The following HSPG2 variants were observed in gnomAD, a reference collection of about 807,000 sequenced individuals.
The protein encoded by HSPG2 is basement membrane-specific heparan sulfate proteoglycan core protein.
HSPG2 carries 278 observed loss-of-function variants against 526.6 expected under a neutral mutation model. The observed-to-expected ratio is 0.53, with a 90% CI of 0.48 to 0.58. The LOEUF (loss-of-function observed/expected upper bound fraction) is 0.58, where lower values mean the gene tolerates loss of function less well. HSPG2 is among the 20% of genes least tolerant of loss of function. The pLI is 0.00. For missense variants in HSPG2, 5,354 were observed against 6,099.5 expected, an observed-to-expected ratio of 0.88 and a Z score of 4.07; for synonymous variants, 2,465 against 2,555.4, an observed-to-expected ratio of 0.96 and a Z score of 1.07.
intron 37 of HSPG2, among the ~76,000 whole-genome samples, chr1:21,863,556 C>T (rs920629921): frequency 1.3e-5 from 2 of 151,820 alleles, no homozygotes; most frequent in Non-Finnish European, 2.9e-5. Flanking sequence ...GGGCTATATA[C>T]ATGCTACTCT....
rs756074412 is a variant in HSPG2 at position 21,831,070 on chromosome 1, G to A, written c.11583C>T (p.Asp3861=). 3 of 1,598,946 alleles carry A rather than the reference G, an allele frequency of 1.9e-6. No individual in the cohort carries two copies. Among genetic ancestry groups the A allele is most frequent in the Non-Finnish European group, 2.6e-6 (3 of 1,173,040 alleles). ...CGCACACGTAGCTGCTGCTCTCAGA[G>A]TCATGGCACTGACCGCCATTCTGCA... ...RPCQNGGQCH[D]SESSSYVCVC... is the part of the protein sequence containing the mutation. Residue 3861 remains aspartate (D), a synonymous_variant, in exon 85 of 97, where the codon GAC becomes GAT. Coordinates refer to ENST00000374695, the MANE Select transcript of HSPG2 (RefSeq NM_005529.7).
At position 21,876,516 on chromosome 1, in the gene HSPG2, G is replaced by A. The variant is rs1042462225; in HGVS notation, c.2822C>T (p.Ala941Val). 11 of 1,614,062 alleles carry A rather than the reference G, an allele frequency of 6.8e-6. No homozygotes were observed. Among genetic ancestry groups the A allele is most frequent in the Non-Finnish European group, 9.3e-6 (11 of 1,180,036 alleles). Residue 941 changes from alanine (A) to valine (V), a missense_variant, in exon 22 of 97, where the codon GCC (alanine) becomes GTC (valine). Physicochemically the swap from Ala to Val is moderately conservative, Grantham distance 64. Coordinates refer to ENST00000374695, the MANE Select transcript of HSPG2 (RefSeq NM_005529.7). ...RHCTSSSWSR[A>V]QLHGASEEPG... ...CCGCCCACCTTGCAGAGGTACCTGGGCACGGCTCCATGAAGAGCTGGTGCA... is the reference window on the plus strand; with the variant it reads ...CCGCCCACCTTGCAGAGGTACCTGGACACGGCTCCATGAAGAGCTGGTGCA...
At chr1:21,886,675 G>GA (rs1202134196) in intron 9 of HSPG2, among the ~76,000 whole-genome samples, 1 of 152,184 alleles carries the variant, frequency 6.6e-6, no homozygotes, top group African/African-American at 2.4e-5. Flanking sequence ...TGGGAGGCTG[G>GA]AAGGATGGAT....
intron 33 of HSPG2, among the ~76,000 whole-genome samples, chr1:21,866,020 T>C (rs1640202471): frequency 6.6e-6 from 1 of 151,452 alleles, no homozygotes; most frequent in Non-Finnish European, 1.5e-5. Context: ...ATGGTGGTGA[T>C]GATGCTGAGC....
chr1:21,856,960 G>A, intron 44 of HSPG2, 55 bp downstream of exon 44: 1 of 1,537,674 alleles, frequency 6.5e-7, no homozygotes. Flanking sequence ...TGCTAATTCT[G>A]GTGGGAATGG....
chr1:21,885,209 G>A (rs376058863), intron 10 of HSPG2, 52 bp from the exon 11 acceptor site: 121 of 1,598,676 alleles, frequency 7.6e-5, no homozygotes, highest in Non-Finnish European at 8.6e-5. Context: ...AAGGAGGAGC[G>A]GAAGGAGGGC....
rs2097964250 is a variant in HSPG2, at chr1:21,824,666, C to A, written c.12665+38G>T. The A allele has an allele frequency of 6.2e-7, 1 of 1,613,008 alleles. No individual in the cohort carries two copies. The highest frequency in any genetic ancestry group is 1.1e-5 in the South Asian group (1 of 90,944). The stretch of plus-strand genomic sequence containing the variant: ...ACAGAAGTCCCAGATTCCCATCCTC[C>A]CCATTAGGCCCATGGGCCCTTCCAA... On this transcript the variant is annotated intron_variant, in intron 92 of 96. Transcript: ENST00000374695. This position sits in a 1 kb window ranked among gnomAD's most constrained non-coding sequence, Gnocchi z 5.9.
chr1:21,937,171 T>TGCA lies in HSPG2; in HGVS notation c.44_46dup (p.Leu15dup). On this transcript the variant is annotated inframe_insertion, in exon 1 of 97. Coordinates refer to ENST00000374695, the MANE Select transcript of HSPG2 (RefSeq NM_005529.7). ...CACACTCACCGCCAGCAGCCGCCCG[T>TGCA]GCAGCAGCAGCGCCAGCAGCAGCGC... The TGCA allele has an allele frequency of 2.9e-6, 3 of 1,047,294 alleles. No individual in the cohort carries two copies. Among genetic ancestry groups the TGCA allele is most frequent in the Non-Finnish European group, 3.5e-6 (3 of 862,838 alleles). The allele number at this position is 1,047,294 out of a possible 1,614,324, so 64.9% of individuals were successfully genotyped here. A position where few individuals can be genotyped will look rare whatever the true frequency, so the allele number is the denominator to read the frequency against.
At chr1:21,849,148 C>A in intron 57 of HSPG2, 117 bp from the exon 58 acceptor site, 2 of 1,271,054 alleles carry the variant, frequency 1.6e-6, no homozygotes, top group Non-Finnish European at 2.2e-6. Context: ...TCGATGGAAA[C>A]TCTTCCAGGG....
Position 21,828,444 on chromosome 1 carries a change from C to A in HSPG2, c.12238-18G>T, listed in dbSNP as rs369294765. 9 of 1,612,022 alleles carry A rather than the reference C, an allele frequency of 5.6e-6. No homozygotes were observed. The highest frequency in any genetic ancestry group is 8.5e-7 in the Non-Finnish European group (1 of 1,179,876). ...ACTGACACCTGTGGGGACAGGGACA[C>A]CGAGGGACTAAAGGGGCCTGGGAGG... On this transcript the variant is annotated intron_variant, in intron 88 of 96. Transcript: ENST00000374695. This position sits in a 1 kb window ranked among gnomAD's most constrained non-coding sequence, Gnocchi z 6.0.
At chr1:21,827,415 C>T (rs1050525090) in intron 91 of HSPG2, among the ~76,000 whole-genome samples, 9 of 152,092 alleles carry the variant, frequency 5.9e-5, no homozygotes, top group Non-Finnish European at 2.9e-5. Context: ...ACCACTGCCT[C>T]GCCTATTATA....
intron 28 of HSPG2, 70 bp downstream of exon 28, chr1:21,874,336 A>T: frequency 6.3e-7 from 1 of 1,594,638 alleles, no homozygotes; most frequent in Non-Finnish European, 8.6e-7. Flanking sequence ...AGGGCCCTGG[A>T]TGAAGCGGGT....
intron 28 of HSPG2, 45 bp downstream of exon 28, chr1:21,874,361 T>C (rs373230550): frequency 6.2e-7 from 1 of 1,608,518 alleles, no homozygotes; most frequent in African/African-American, 1.3e-5. Flanking sequence ...GAGCGGGTGG[T>C]AGACATTTCA....
chr1:21,878,891 G>A (rs1641297122), intron 18 of HSPG2, 103 bp downstream of exon 18: 9 of 1,417,888 alleles, frequency 6.3e-6, no homozygotes, highest in Non-Finnish European at 8.7e-6. Flanking sequence ...TAGTGATCAG[G>A]TAGAGATCTG....
intron 74 of HSPG2, among the ~76,000 whole-genome samples, chr1:21,837,832 CA>C: frequency 6.6e-6 from 1 of 152,232 alleles, no homozygotes; most frequent in East Asian, 1.9e-4. Context: ...CTCCACTTTA[CA>C]GATAAAGAAA....
chr1:21,863,206 T>C (rs1423763321), intron 37 of HSPG2, among the ~76,000 whole-genome samples: 17 of 148,606 alleles, frequency 1.1e-4, no homozygotes, highest in Admixed American at 3.4e-4. Flanking sequence ...ACCCCGCCTC[T>C]ACTAAAAACA....
At chr1:21,843,884 C>T (rs1349913911) in intron 65 of HSPG2, among the ~76,000 whole-genome samples, 1 of 152,218 alleles carries the variant, frequency 6.6e-6, no homozygotes, top group Non-Finnish European at 1.5e-5. Context: ...GATCCACCTG[C>T]CTCGGCCTCC....
chr1:21,855,490 CT>C, intron 46 of HSPG2, 32 bp downstream of exon 46: 1 of 1,612,006 alleles, frequency 6.2e-7, no homozygotes, highest in South Asian at 1.1e-5. Flanking sequence ...GCTGAGCACA[CT>C]CCCGGCCCCC....
At position 21,875,842 on chromosome 1, in the gene HSPG2, C is replaced by T. The variant is rs557665697; in HGVS notation, c.3183+21G>A. ...CAAGGGCCTGCCCGCACCCCTACCC[C>T]CAGGGGACAGTATTGCTCACCTCCC... On this transcript the variant is annotated intron_variant, in intron 24 of 96. Coordinates refer to ENST00000374695, the MANE Select transcript of HSPG2 (RefSeq NM_005529.7). 160 of 1,613,416 alleles carry T rather than the reference C, an allele frequency of 9.9e-5. No homozygotes were observed. The East Asian group carries it at 2.2e-3, about 22-fold the overall frequency.
Sources: gnomAD v4.1 joint callset for allele counts (sites outside exome capture counted in the v4.1 genomes callset) on GRCh38, gnomAD v4.1.1 for gene constraint, Gnocchi (gnomAD v3.1) non-coding constraint, MANE v1.5 for transcripts, NCBI Gene and HGNC (gene_info 2026-07-23, HGNC 2026-07-21) for gene names.